Variants in ELF1 observed in about 807,000 individuals in gnomAD.
ELF1 encodes E74 like ETS transcription factor 1.
ELF1 carries 24 observed loss-of-function variants against 59.9 expected under a neutral mutation model. That is an observed-to-expected ratio of 0.40 (90% confidence interval 0.29 to 0.56). The LOEUF (loss-of-function observed/expected upper bound fraction) is 0.56, where lower values mean the gene tolerates loss of function less well. Ranked by LOEUF, ELF1 falls within the 20% of genes least tolerant of loss-of-function variation. The pLI, the probability that ELF1 is intolerant of heterozygous loss-of-function variation, is 0.44. For missense variants in ELF1, 627 were observed against 742.2 expected, an observed-to-expected ratio of 0.84 and a Z score of 1.80; for synonymous variants, 248 against 266.2, an observed-to-expected ratio of 0.93 and a Z score of 0.67.
At chr13:41,031,071 G>C (rs892824318) in intron 1 of ELF1, among the ~76,000 whole-genome samples, 5 of 151,704 alleles carry the variant, frequency 3.3e-5, no homozygotes, top group African/African-American at 4.8e-5. Context: ...GCTAAGGTGG[G>C]AGGATTGAAG....
intron 1 of ELF1, among the ~76,000 whole-genome samples, chr13:41,057,307 G>GC (rs2138442372): frequency 1.3e-5 from 2 of 151,422 alleles, no homozygotes; most frequent in South Asian, 4.2e-4. Context: ...CAGGCATGTG[G>GC]CATCACACCT....
intron 1 of ELF1, among the ~76,000 whole-genome samples, chr13:41,053,723 C>T (rs1163068378): frequency 6.6e-6 from 1 of 152,232 alleles, no homozygotes; most frequent in Non-Finnish European, 1.5e-5. Context: ...AAAACTGAAA[C>T]ATTTCCTGAG....
chr13:40,988,351 A>G (rs773338727), intron 1 of ELF1, among the ~76,000 whole-genome samples: 1 of 152,252 alleles, frequency 6.6e-6, no homozygotes, highest in Non-Finnish European at 1.5e-5. Flanking sequence ...AGAAAGCAAG[A>G]AAAGCCCAGA....
Position 40,982,251 on chromosome 13 carries a change from T to C in ELF1, c.-197A>G. On this transcript the variant is annotated 5_prime_UTR_variant, in exon 2 of 9. Coordinates refer to ENST00000239882, the MANE Select transcript of ELF1 (RefSeq NM_172373.4). ...ATTCTAGTCAAATTGAGACAATTTT[T>C]CTGAAATTTTTCTTCTCTCAAGCTT... 4 of 1,271,298 alleles carry C rather than the reference T, an allele frequency of 3.1e-6. No homozygotes were observed. Among genetic ancestry groups the C allele is most frequent in the Non-Finnish European group, 4.0e-6 (4 of 1,007,896 alleles). The allele number at this position is 1,271,298 out of a possible 1,614,324, so 78.8% of individuals were successfully genotyped here.
chr13:41,051,180 T>G (rs1455698805), intron 1 of ELF1, among the ~76,000 whole-genome samples: 1 of 151,888 alleles, frequency 6.6e-6, no homozygotes, highest in East Asian at 1.9e-4. Context: ...TAAGGGACAG[T>G]AATATTGTAG....
intron 1 of ELF1, among the ~76,000 whole-genome samples, chr13:41,054,383 G>T (rs1043630453): frequency 3.9e-5 from 6 of 152,148 alleles, no homozygotes; most frequent in African/African-American, 1.4e-4. Context: ...ATTCTTGATG[G>T]TTTTAGTCCT....
intron 1 of ELF1, among the ~76,000 whole-genome samples, chr13:41,059,123 T>G (rs1486732021): frequency 6.6e-6 from 1 of 152,262 alleles, no homozygotes; most frequent in African/African-American, 2.4e-5. Flanking sequence ...TATTACTTAT[T>G]TAAATGAAAA....
chr13:40,994,736 G>A (rs80022860), intron 1 of ELF1, among the ~76,000 whole-genome samples: 7,259 of 152,162 alleles, frequency 0.048, 425 homozygotes, highest in East Asian at 0.23. Flanking sequence ...ATGCTAAAAC[G>A]TCTTTATCAG....
At chr13:41,050,779 T>C (rs1343570537) in intron 1 of ELF1, among the ~76,000 whole-genome samples, 2 of 152,004 alleles carry the variant, frequency 1.3e-5, no homozygotes, top group African/African-American at 4.8e-5. Context: ...TCGAACTCCT[T>C]ACCTCGTGAT....
At chr13:41,029,998 A>G (rs1376240542) in intron 1 of ELF1, among the ~76,000 whole-genome samples, 1 of 152,158 alleles carries the variant, frequency 6.6e-6, no homozygotes, top group African/African-American at 2.4e-5. Context: ...ATACAGTCCT[A>G]AAGCCCAGGT....
chr13:40,974,399 T>C (rs7991955), intron 2 of ELF1, among the ~76,000 whole-genome samples: 107 of 152,330 alleles, frequency 7.0e-4, no homozygotes, highest in African/African-American at 2.5e-3. Flanking sequence ...AGGCACAGGC[T>C]GGGTTACAAT....
At chr13:41,060,805 TG>T (rs1406032105) in intron 1 of ELF1, 2 of 201,358 alleles carry the variant, frequency 9.9e-6, no homozygotes, top group Non-Finnish European at 2.1e-5. Flanking sequence ...CTAGACCATA[TG>T]GGAAGTGCTA....
At chr13:41,042,660 A>G (rs1876667816) in intron 1 of ELF1, among the ~76,000 whole-genome samples, 1 of 152,172 alleles carries the variant, frequency 6.6e-6, no homozygotes, top group Non-Finnish European at 1.5e-5. Context: ...ATGGCTGCAT[A>G]GTATTCCATG....
At chr13:40,938,094 G>C (rs1869905039) in intron 8 of ELF1, among the ~76,000 whole-genome samples, 1 of 152,198 alleles carries the variant, frequency 6.6e-6, no homozygotes, top group African/African-American at 2.4e-5. Context: ...TGGAATTACA[G>C]GTGTGAGGCA....
chr13:41,029,661 C>T (rs1388151394), intron 1 of ELF1, among the ~76,000 whole-genome samples: 3 of 152,180 alleles, frequency 2.0e-5, no homozygotes, highest in East Asian at 1.9e-4. Flanking sequence ...GGATTACAGG[C>T]GTGAGCCAAA....
In ELF1 at chr13:40,977,318, GC is replaced by G. The variant is rs1156985810; in HGVS notation, c.72+4664del. ...TATTGCATTCAATACTGATGGGGTT[GC>G]TCTCCCATAGAAGTGCTTCATTCTC... On this transcript the variant is annotated intron_variant, in intron 2 of 8. Coordinates refer to ENST00000239882, the MANE Select transcript of ELF1 (RefSeq NM_172373.4). Among the ~76,000 whole-genome samples, 6 of 152,084 alleles carry G rather than the reference GC, an allele frequency of 3.9e-5. No homozygotes were observed. In the East Asian group the frequency reaches 1.2e-3, roughly 29 times the overall value.
At chr13:40,986,505 C>T (rs1873554684) in intron 1 of ELF1, among the ~76,000 whole-genome samples, 1 of 152,176 alleles carries the variant, frequency 6.6e-6, no homozygotes, top group Non-Finnish European at 1.5e-5. Context: ...TTTCTGTACT[C>T]CCTGGAAGTC....
chr13:41,022,356 G>A (rs980947931), upstream of ELF1, among the ~76,000 whole-genome samples: 1 of 152,128 alleles, frequency 6.6e-6, no homozygotes, highest in African/African-American at 2.4e-5. Flanking sequence ...TAATGGAAAA[G>A]GCAAAACAGA....
At chr13:41,025,446 T>G (rs745504389) in intron 1 of ELF1, among the ~76,000 whole-genome samples, 6 of 152,222 alleles carry the variant, frequency 3.9e-5, no homozygotes, top group Non-Finnish European at 8.8e-5. Flanking sequence ...GTTTCTAAAC[T>G]TTTTACTTAA....
Sources: allele counts gnomAD v4.1 joint callset (sites outside exome capture counted in the v4.1 genomes callset), GRCh38; gene constraint gnomAD v4.1.1; transcripts MANE v1.5; gene names NCBI Gene and HGNC (gene_info 2026-07-23, HGNC 2026-07-21).